Variants in NCS1 observed in about 807,000 individuals in gnomAD.
The protein encoded by NCS1 is frequenin homolog.
Under a neutral mutation model 28.4 loss-of-function variants are expected in NCS1, and 6 were observed. That is an observed-to-expected ratio of 0.21 (90% CI 0.12 to 0.42). NCS1 has a LOEUF of 0.42. Ranked by LOEUF, NCS1 falls within the 10% of genes least tolerant of loss-of-function variation. NCS1 has a pLI of 1.00. For synonymous variants in NCS1, 86 were observed against 99.3 expected, an observed-to-expected ratio of 0.87 and a Z score of 0.79; for missense variants, 131 against 241.4, an observed-to-expected ratio of 0.54 and a Z score of 3.03.
intron 1 of NCS1, among the ~76,000 whole-genome samples, chr9:130,199,660 C>CT (rs1274456270): frequency 1.3e-5 from 2 of 152,342 alleles, no homozygotes; most frequent in African/African-American, 4.8e-5. Flanking sequence ...AGCCGTTGAG[C>CT]TAAAGCACAG....
intron 1 of NCS1, among the ~76,000 whole-genome samples, chr9:130,179,145 C>A (rs1273023684): frequency 6.6e-6 from 1 of 151,648 alleles, no homozygotes; most frequent in African/African-American, 2.4e-5. Context: ...ATTGGTCAGG[C>A]TGGTCTCGAA....
intron 2 of NCS1, among the ~76,000 whole-genome samples, chr9:130,204,908 CT>C (rs1273398114): frequency 1.3e-5 from 2 of 151,992 alleles, no homozygotes; most frequent in African/African-American, 4.8e-5. Flanking sequence ...GGGTGAGTGA[CT>C]TTTGTTTACT....
Position 130,215,718 on chromosome 9 carries a change from T to G in NCS1, c.90-2114T>G, listed in dbSNP as rs192536891. ...GGGTTTGGGCTGCTATTATGGGCTG[T>G]TACAAAGGCCTGTGGTTCCTGAGCC... On this transcript the variant is annotated intron_variant, in intron 2 of 7. Transcript: ENST00000372398. The surrounding 1 kb of genome is among the most constrained non-coding windows in gnomAD (Gnocchi z 4.2). 2.6e-3 allele frequency among the ~76,000 whole-genome samples: 399 copies of G among 152,252 alleles called. 1 individual carries two copies. The highest frequency in any genetic ancestry group is 2.9e-3 in the Non-Finnish European group (194 of 68,002).
At chr9:130,189,617 G>A (rs960089163) in intron 1 of NCS1, among the ~76,000 whole-genome samples, 10 of 151,924 alleles carry the variant, frequency 6.6e-5, no homozygotes, top group African/African-American at 1.9e-4. Flanking sequence ...CGAGGTGGGC[G>A]GATCACTTGA....
chr9:130,222,500 GTCTAT>G, intron 4 of NCS1, 145 bp from the exon 5 acceptor site: 1 of 699,004 alleles, frequency 1.4e-6, no homozygotes, highest in South Asian at 1.5e-5. Flanking sequence ...GTCTGTCCCT[GTCTAT>G]CCTGATGTAA....
intron 2 of NCS1, among the ~76,000 whole-genome samples, chr9:130,203,254 G>C (rs935285036): frequency 6.6e-6 from 1 of 151,698 alleles, no homozygotes; most frequent in Admixed American, 6.6e-5. Flanking sequence ...CAAGTAGCTG[G>C]AACTACAGAC....
Position 130,192,874 on chromosome 9 carries a change from G to A in NCS1, c.65-8084G>A, listed in dbSNP as rs574550022. Among the ~76,000 whole-genome samples, 8 of 152,246 alleles carry A rather than the reference G, an allele frequency of 5.3e-5. No individual in the cohort carries two copies. The East Asian group carries it at 1.4e-3, about 26-fold the overall frequency. On this transcript the variant is annotated intron_variant, in intron 1 of 7. Coordinates refer to ENST00000372398, the MANE Select transcript of NCS1 (RefSeq NM_014286.4). This position sits in a 1 kb window ranked among gnomAD's most constrained non-coding sequence, Gnocchi z 4.8. ...CCACAGGTGTTTCACTCTCTTTTCTGTCCTCCCCACCTCCCAGTGTGCGGT... is the reference window on the plus strand; with the variant it reads ...CCACAGGTGTTTCACTCTCTTTTCTATCCTCCCCACCTCCCAGTGTGCGGT...
At chr9:130,218,018 G>A in intron 3 of NCS1, 48 bp downstream of exon 3, 1 of 1,612,314 alleles carries the variant, frequency 6.2e-7, no homozygotes, top group Non-Finnish European at 8.5e-7. Flanking sequence ...CAGCTCCTGT[G>A]GGTACCCGCA....
intron 1 of NCS1, among the ~76,000 whole-genome samples, chr9:130,179,420 C>T (rs117509766): frequency 0.015 from 2,311 of 152,226 alleles, 30 homozygotes; most frequent in Non-Finnish European, 0.018. Flanking sequence ...AGTTAGCTTC[C>T]TCCTCCCATA....
rs1554905124 is a variant in NCS1, at chr9:130,181,240, CT to C, written c.64+8515del. ...GGCATGGTTCTTAGCCTCTCGATAC[CT>C]TAGTTTTCTTATCTGGGGGTTGGGG... On this transcript the variant is annotated intron_variant, in intron 1 of 7. Transcript: ENST00000372398. The surrounding 1 kb of genome is among the most constrained non-coding windows in gnomAD (Gnocchi z 5.0). Among the ~76,000 whole-genome samples the C allele has an allele frequency of 6.6e-6, 1 of 152,110 alleles. No individual in the cohort carries two copies. Among genetic ancestry groups the C allele is most frequent in the African/African-American group, 2.4e-5 (1 of 41,412 alleles).
chr9:130,182,166 C>T (rs1832668285), intron 1 of NCS1, among the ~76,000 whole-genome samples: 1 of 152,132 alleles, frequency 6.6e-6, no homozygotes, highest in Admixed American at 6.5e-5. Context: ...ACCCTTATAC[C>T]CATTTTACAG....
Position 130,192,578 on chromosome 9 carries a change from G to C in NCS1, c.65-8380G>C, listed in dbSNP as rs1554906373. 1.3e-5 allele frequency among the ~76,000 whole-genome samples: 2 copies of C among 152,144 alleles called. No individual in the cohort carries two copies. The highest frequency in any genetic ancestry group is 2.9e-5 in the Non-Finnish European group (2 of 68,004). On this transcript the variant is annotated intron_variant, in intron 1 of 7. Transcript: ENST00000372398. This position sits in a 1 kb window ranked among gnomAD's most constrained non-coding sequence, Gnocchi z 4.8. ...CCTCTTTCGTGGGACAGAGAGGGGA[G>C]GGTGCGTGGCCACGTTCACACATTG...
chr9:130,190,088 G>A (rs1429967525), intron 1 of NCS1, among the ~76,000 whole-genome samples: 1 of 149,366 alleles, frequency 6.7e-6, no homozygotes, highest in African/African-American at 2.5e-5. Flanking sequence ...ATTGGAACAA[G>A]TTCCTTTACT....
In NCS1 at chr9:130,181,786, G is replaced by A. The variant is rs937123032; in HGVS notation, c.64+9059G>A. Among the ~76,000 whole-genome samples the A allele has an allele frequency of 2.6e-5, 4 of 152,144 alleles. No homozygotes were observed. Among genetic ancestry groups the A allele is most frequent in the African/African-American group, 9.7e-5 (4 of 41,416 alleles). ...GCTGCGGGGCACGTGGGCAAGTCCC[G>A]ATTCACGTGGGCACGCTCCGAGCGT... On this transcript the variant is annotated intron_variant, in intron 1 of 7. Coordinates refer to ENST00000372398, the MANE Select transcript of NCS1 (RefSeq NM_014286.4). This position sits in a 1 kb window ranked among gnomAD's most constrained non-coding sequence, Gnocchi z 5.0.
rs1832581511 is a variant in NCS1, at chr9:130,177,009, C to T, written c.64+4282C>T. On this transcript the variant is annotated intron_variant, in intron 1 of 7. Coordinates refer to ENST00000372398, the MANE Select transcript of NCS1 (RefSeq NM_014286.4). This position sits in a 1 kb window ranked among gnomAD's most constrained non-coding sequence, Gnocchi z 4.4. ...TCCCAGGGACCCTCGGTCTGGGACT[C>T]AGGGGTGGCCACCTCCTCCCTGTTG... Among the ~76,000 whole-genome samples the T allele has an allele frequency of 6.6e-6, 1 of 152,222 alleles. No homozygotes were observed. The highest frequency in any genetic ancestry group is 1.5e-5 in the Non-Finnish European group (1 of 68,040).
intron 2 of NCS1, among the ~76,000 whole-genome samples, chr9:130,201,892 T>C (rs1832953091): frequency 6.6e-6 from 1 of 152,170 alleles, no homozygotes; most frequent in Non-Finnish European, 1.5e-5. Flanking sequence ...AACACCCTCC[T>C]TCTAGATCTT....
chr9:130,202,081 C>T (rs1832956160), intron 2 of NCS1, among the ~76,000 whole-genome samples: 1 of 152,230 alleles, frequency 6.6e-6, no homozygotes, highest in Non-Finnish European at 1.5e-5. Context: ...TGAACAAAAA[C>T]CTGACCATGC....
chr9:130,216,885 C>T (rs1833198011), intron 2 of NCS1, among the ~76,000 whole-genome samples: 1 of 151,602 alleles, frequency 6.6e-6, no homozygotes, highest in Non-Finnish European at 1.5e-5. Context: ...AAGGAATCGT[C>T]CTCTGAGGAG....
chr9:130,193,675 A>T (rs1406157368), intron 1 of NCS1, among the ~76,000 whole-genome samples: 1 of 151,872 alleles, frequency 6.6e-6, no homozygotes, highest in Non-Finnish European at 1.5e-5. Flanking sequence ...GGAGACTGGG[A>T]GTGAGGGGTG....
Sources: gnomAD v4.1 joint callset for allele counts (sites outside exome capture counted in the v4.1 genomes callset) on GRCh38, gnomAD v4.1.1 for gene constraint, Gnocchi (gnomAD v3.1) non-coding constraint, MANE v1.5 for transcripts, NCBI Gene and HGNC (gene_info 2026-07-23, HGNC 2026-07-21) for gene names.